ADD2: variants seen among roughly 807,000 people sequenced by gnomAD.
ADD2 encodes beta-adducin.
Under a neutral mutation model 83.0 loss-of-function variants are expected in ADD2, and 23 were observed. That is an observed-to-expected ratio of 0.28 (90% CI 0.20 to 0.39). The LOEUF is 0.39. Among genes scored for constraint, ADD2 ranks in the 10% least tolerant of loss-of-function variants. The probability of loss-of-function intolerance (pLI) is 1.00; values close to 1 mark genes in which losing one functional copy is unlikely to be tolerated. For synonymous variants in ADD2, 375 were observed against 375.4 expected (o/e 1.00, Z 0.01); for missense variants, 758 against 944.9 (o/e 0.80, Z 2.59).
rs572468778 is a variant in ADD2 at position 70,693,129 on chromosome 2, T to G, written c.556-577A>C. 3.3e-5 allele frequency among the ~76,000 whole-genome samples: 5 copies of G among 152,098 alleles called. 1 individual carries two copies. The highest frequency in any genetic ancestry group is 1.2e-4 in the African/African-American group (5 of 41,480). ...TGCCCCTACTCCCCTGCCTCCTGGA[T>G]AAAAAGTAGTAAAATATTCAATCAC... is the stretch of plus-strand genomic sequence containing the variant. On this transcript the variant is annotated intron_variant, in intron 6 of 15. Coordinates refer to ENST00000264436, the MANE Select transcript of ADD2 (RefSeq NM_001617.4).
chr2:70,675,783 C>G (rs1372638395), intron 13 of ADD2: 1 of 985,388 alleles, frequency 1.0e-6, no homozygotes, highest in Non-Finnish European at 1.2e-6. Flanking sequence ...AACCGAGAAT[C>G]CAAGACCAAA....
chr2:70,743,775 T>G (rs894566896), intron 1 of ADD2, among the ~76,000 whole-genome samples: 2 of 152,180 alleles, frequency 1.3e-5, no homozygotes, highest in Non-Finnish European at 2.9e-5. Context: ...CAGATTACTA[T>G]AGCAGGTACA....
In ADD2 at chr2:70,704,473, C is replaced by A; in HGVS notation, c.184-14G>T. On this transcript the variant is annotated splice_polypyrimidine_tract_variant and intron_variant, in intron 3 of 15. Coordinates refer to ENST00000264436, the MANE Select transcript of ADD2 (RefSeq NM_001617.4). ...CTCCCTGAAAGACTGAAGCAGGCCC[C>A]GAGGTGCTTGTCCCCCCACAGCCTC... 6.2e-7 allele frequency: 1 copy of A among 1,613,530 alleles called. No individual in the cohort carries two copies. The highest frequency in any genetic ancestry group is 1.3e-5 in the African/African-American group (1 of 75,014).
chr2:70,674,602 C>T, intron 14 of ADD2, 76 bp downstream of exon 14: 1 of 1,446,956 alleles, frequency 6.9e-7, no homozygotes, highest in Non-Finnish European at 9.4e-7. Context: ...GCAGGAAGGT[C>T]CTCTCTTGGT....
chr2:70,681,126 C>A (rs1275905846), intron 10 of ADD2, among the ~76,000 whole-genome samples: 4 of 152,122 alleles, frequency 2.6e-5, no homozygotes, highest in Non-Finnish European at 4.4e-5. Context: ...TTGCAACTTC[C>A]CCAATTACTC....
intron 1 of ADD2, among the ~76,000 whole-genome samples, chr2:70,765,982 C>G (rs946476322): frequency 9.2e-5 from 14 of 152,180 alleles, no homozygotes; most frequent in Non-Finnish European, 1.6e-4. Context: ...AACCCACTGC[C>G]AGCAAACACA....
At chr2:70,684,766 G>A (rs186759911) in intron 9 of ADD2, among the ~76,000 whole-genome samples, 1 of 152,330 alleles carries the variant, frequency 6.6e-6, no homozygotes, top group Admixed American at 6.5e-5. Context: ...TCCCACACAT[G>A]GACTTAGAGT....
chr2:70,712,970 T>C, intron 2 of ADD2, 96 bp downstream of exon 2: 1 of 340,336 alleles, frequency 2.9e-6, no homozygotes, highest in Non-Finnish European at 4.2e-6. Flanking sequence ...TGGAAGCTCA[T>C]CCTCATGCAA....
At chr2:70,689,396 C>G (rs892390652) in intron 8 of ADD2, among the ~76,000 whole-genome samples, 1 of 152,260 alleles carries the variant, frequency 6.6e-6, no homozygotes, top group Non-Finnish European at 1.5e-5. Context: ...AGAGCCTGGG[C>G]TGAAGCCTGA....
At chr2:70,731,757 C>G (rs1673294484) in intron 1 of ADD2, among the ~76,000 whole-genome samples, 1 of 152,210 alleles carries the variant, frequency 6.6e-6, no homozygotes, top group Admixed American at 6.5e-5. Context: ...ACGGACCCCA[C>G]AGCGATGGAC....
chr2:70,659,636 G>T lies in ADD2; in HGVS notation c.*3789C>A, dbSNP rs1339969466. 1 of 152,194 alleles carries T rather than the reference G, an allele frequency of 6.6e-6. No homozygotes were observed. The highest frequency in any genetic ancestry group is 1.5e-5 in the Non-Finnish European group (1 of 68,048). 9.4% of individuals were successfully genotyped at this position (152,194 alleles called of 1,614,324 possible). ...GGAGGGGGTCAACTGGCCAAAGTAG[G>T]ACAGTTACTTGGGTTGCATGCAGGC... On this transcript the variant is annotated 3_prime_UTR_variant, in exon 16 of 16. Transcript: ENST00000264436.
chr2:70,663,853 G>T, intron 15 of ADD2, 118 bp from the exon 16 acceptor site: 1 of 1,129,876 alleles, frequency 8.9e-7, no homozygotes, highest in Non-Finnish European at 1.2e-6. Context: ...CGAGGGGAGG[G>T]CCAGCCTGAT....
intron 2 of ADD2, among the ~76,000 whole-genome samples, chr2:70,711,845 A>T (rs540870242): frequency 6.6e-6 from 1 of 152,362 alleles, no homozygotes; most frequent in South Asian, 2.1e-4. Flanking sequence ...AAGAGGGGTC[A>T]TGGGAACTCC....
intron 1 of ADD2, among the ~76,000 whole-genome samples, chr2:70,752,245 G>T (rs760971986): frequency 3.9e-5 from 6 of 152,030 alleles, no homozygotes; most frequent in Non-Finnish European, 7.4e-5. Flanking sequence ...AATAAATTGG[G>T]TTTTTTTAGG....
intron 4 of ADD2, among the ~76,000 whole-genome samples, chr2:70,699,549 G>A (rs1008186215): frequency 1.4e-4 from 21 of 152,220 alleles, no homozygotes; most frequent in African/African-American, 5.1e-4. Context: ...GGAAGCGGAT[G>A]CAGAAAACTC....
At position 70,706,205 on chromosome 2, in the gene ADD2, G is replaced by T. The variant is rs782499176; in HGVS notation, c.183+21C>A. 1.2e-6 allele frequency: 2 copies of T among 1,609,528 alleles called. No individual in the cohort carries two copies. The highest frequency in any genetic ancestry group is 1.7e-6 in the Non-Finnish European group (2 of 1,177,302). On this transcript the variant is annotated intron_variant, in intron 3 of 15. Coordinates refer to ENST00000264436, the MANE Select transcript of ADD2 (RefSeq NM_001617.4). This position sits in a 1 kb window ranked among gnomAD's most constrained non-coding sequence, Gnocchi z 5.0. ...GCCAGCGCCCCCTGCGCCCTCTCCC[G>T]CCCGGGTCAGCCCCACTCACGGGAC...
chr2:70,671,487 T>C (rs782592190), intron 15 of ADD2, among the ~76,000 whole-genome samples: 1 of 151,792 alleles, frequency 6.6e-6, no homozygotes, highest in Non-Finnish European at 1.5e-5. Context: ...GGGAGAAATC[T>C]ATTTCTTTTG....
intron 2 of ADD2, among the ~76,000 whole-genome samples, chr2:70,707,029 A>G (rs1558548058): frequency 6.6e-6 from 1 of 152,184 alleles, no homozygotes; most frequent in Non-Finnish European, 1.5e-5. Context: ...GAAATTCACA[A>G]AAGAATACTA....
At chr2:70,694,896 G>A (rs1313298428) in intron 6 of ADD2, among the ~76,000 whole-genome samples, 1 of 151,886 alleles carries the variant, frequency 6.6e-6, no homozygotes, top group East Asian at 1.9e-4. Flanking sequence ...TACGGACAGA[G>A]CCTGTGTCAT....
Sources: gnomAD v4.1 joint callset for allele counts (sites outside exome capture counted in the v4.1 genomes callset) on GRCh38, gnomAD v4.1.1 for gene constraint, Gnocchi (gnomAD v3.1) non-coding constraint, MANE v1.5 for transcripts, NCBI Gene and HGNC (gene_info 2026-07-23, HGNC 2026-07-21) for gene names.